CCDC171: variants seen among roughly 807,000 people sequenced by gnomAD.
CCDC171 encodes the protein coiled-coil domain-containing protein 171.
A neutral mutation model predicts 168.2 loss-of-function variants in CCDC171; 177 were observed. That is an observed-to-expected ratio of 1.05 (90% CI 0.93 to 1.19). The LOEUF (loss-of-function observed/expected upper bound fraction) is 1.19. Among genes scored for constraint, CCDC171 ranks in the 50% most tolerant of loss-of-function variants. The probability of loss-of-function intolerance (pLI) is 0.00; values close to 1 mark genes in which losing one functional copy is unlikely to be tolerated. For synonymous variants in CCDC171, 687 were observed against 540.8 expected, an observed-to-expected ratio of 1.27 and a Z score of -3.75; for missense variants, 1,991 against 1,539.0, an observed-to-expected ratio of 1.29 and a Z score of -4.91.
At chr9:15,940,995 A>C (rs1241388408) in intron 25 of CCDC171, among the ~76,000 whole-genome samples, 2 of 151,950 alleles carry the variant, frequency 1.3e-5, no homozygotes, top group African/African-American at 4.8e-5. Context: ...ATAATCTCTA[A>C]GGTGCCTTCT....
chr9:15,838,094 C>G (rs1034185777), intron 21 of CCDC171, among the ~76,000 whole-genome samples: 35 of 151,990 alleles, frequency 2.3e-4, no homozygotes, highest in Non-Finnish European at 4.4e-5. Flanking sequence ...TCATATAATT[C>G]ATATACCTTG....
chr9:15,670,351 C>A (rs2049025392), intron 9 of CCDC171, among the ~76,000 whole-genome samples: 1 of 152,042 alleles, frequency 6.6e-6, no homozygotes, highest in Non-Finnish European at 1.5e-5. Flanking sequence ...TAACTAAAAT[C>A]TTGATTTTAT....
intron 3 of CCDC171, among the ~76,000 whole-genome samples, chr9:15,992,273 A>G (rs926046178): frequency 1.3e-5 from 2 of 152,230 alleles, no homozygotes; most frequent in East Asian, 3.8e-4. Flanking sequence ...AGGCTTGTAA[A>G]CATACACAAA....
chr9:15,634,813 T>C (rs1484947778), intron 7 of CCDC171, among the ~76,000 whole-genome samples: 1 of 152,182 alleles, frequency 6.6e-6, no homozygotes, highest in Non-Finnish European at 1.5e-5. Flanking sequence ...TATTCCCCTT[T>C]CCTCTCATCC....
rs143305129 is a variant in CCDC171, at chr9:16,029,115, C to T, written n.998+6207C>T. 5.4e-3 allele frequency among the ~76,000 whole-genome samples: 825 copies of T among 152,006 alleles called. 9 individuals carry two copies. The highest frequency in any genetic ancestry group is 0.019 in the African/African-American group (795 of 41,446). ...GTCGAGAAAGTTTAAGATTTTTAGA[C>T]GTGGAATAGGAAGTAGTGAGGGCTG... On this transcript the variant is annotated intron_variant and non_coding_transcript_variant, in intron 6 of 9. Coordinates refer to the CCDC171 transcript ENST00000486641.
chr9:15,951,888 T>G (rs1829227132), intron 25 of CCDC171, among the ~76,000 whole-genome samples: 1 of 152,186 alleles, frequency 6.6e-6, no homozygotes, highest in Non-Finnish European at 1.5e-5. Context: ...TTTGTCTGTT[T>G]TTTTCTTTTG....
intron 21 of CCDC171, among the ~76,000 whole-genome samples, chr9:15,839,397 A>G (rs1205279298): frequency 1.3e-5 from 2 of 152,132 alleles, no homozygotes; most frequent in African/African-American, 4.8e-5. Context: ...TACTAATACT[A>G]CTGTAGTACA....
chr9:15,773,889 A>G (rs766975336), intron 18 of CCDC171, among the ~76,000 whole-genome samples: 1 of 152,180 alleles, frequency 6.6e-6, no homozygotes, highest in African/African-American at 2.4e-5. Context: ...CACAATCTAT[A>G]CATCCGACAA....
intron 21 of CCDC171, among the ~76,000 whole-genome samples, chr9:15,828,169 T>A (rs2136201355): frequency 6.6e-6 from 1 of 152,274 alleles, no homozygotes; most frequent in South Asian, 2.1e-4. Flanking sequence ...TTGTTTTATT[T>A]TGAGATGATC....
chr9:15,894,686 G>A (rs1448932515), intron 24 of CCDC171, among the ~76,000 whole-genome samples: 1 of 151,972 alleles, frequency 6.6e-6, no homozygotes, highest in African/African-American at 2.4e-5. Context: ...CTTTGTGCTT[G>A]GTGGTCCCTT....
chr9:15,926,185 T>G (rs538562928), intron 25 of CCDC171, among the ~76,000 whole-genome samples: 2 of 151,812 alleles, frequency 1.3e-5, no homozygotes, highest in South Asian at 4.1e-4. Context: ...ATTTGACACA[T>G]TGTAAAGTGG....
At chr9:15,930,863 G>A (rs1826426790) in intron 25 of CCDC171, among the ~76,000 whole-genome samples, 1 of 151,580 alleles carries the variant, frequency 6.6e-6, no homozygotes, top group Non-Finnish European at 1.5e-5. Context: ...TATATCTGGG[G>A]TATAATTTGA....
chr9:15,726,269 C>A (rs114037929), intron 14 of CCDC171, among the ~76,000 whole-genome samples: 73 of 152,220 alleles, frequency 4.8e-4, no homozygotes, highest in African/African-American at 1.7e-3. Flanking sequence ...TGGTTGGGTT[C>A]AACATGTGTG....
chr9:15,984,372 A>C (rs1270328960), intron 3 of CCDC171, among the ~76,000 whole-genome samples: 1 of 147,434 alleles, frequency 6.8e-6, no homozygotes, highest in Non-Finnish European at 1.5e-5. Context: ...AATTAAGCAC[A>C]GTCTTTCTGG....
chr9:15,931,456 CTTTTTTTTTTTT>C (rs57124025), intron 25 of CCDC171, among the ~76,000 whole-genome samples: 10 of 44,998 alleles, frequency 2.2e-4, no homozygotes, highest in South Asian at 2.4e-3. Context: ...TTCTTTCTTT[CTTTTTTTTTTTT>C]TTTTTTTTTT....
At chr9:15,950,097 C>T (rs905783177) in intron 25 of CCDC171, among the ~76,000 whole-genome samples, 2 of 152,092 alleles carry the variant, frequency 1.3e-5, no homozygotes, top group Non-Finnish European at 2.9e-5. Context: ...AAGAAATGAG[C>T]AAAGCCTCCA....
chr9:15,948,614 T>A (rs921268333), intron 25 of CCDC171, among the ~76,000 whole-genome samples: 15 of 152,162 alleles, frequency 9.9e-5, no homozygotes, highest in African/African-American at 3.6e-4. Flanking sequence ...TTTGGCTGCA[T>A]AAATGTCTTC....
intron 7 of CCDC171, among the ~76,000 whole-genome samples, chr9:15,635,572 G>C (rs973686201): frequency 9.2e-5 from 14 of 152,082 alleles, no homozygotes; most frequent in Non-Finnish European, 1.6e-4. Flanking sequence ...TGCCCACCCA[G>C]ACTGAGGGTA....
chr9:15,922,366 T>A (rs1825439964), intron 25 of CCDC171, among the ~76,000 whole-genome samples: 1 of 151,644 alleles, frequency 6.6e-6, no homozygotes, highest in Non-Finnish European at 1.5e-5. Flanking sequence ...TTGAACTTTT[T>A]AAGAACTCTC....
Sources: allele counts gnomAD v4.1 joint callset (sites outside exome capture counted in the v4.1 genomes callset), GRCh38; gene constraint gnomAD v4.1.1; transcripts MANE v1.5; gene names NCBI Gene and HGNC (gene_info 2026-07-23, HGNC 2026-07-21).